SUPT3H: variants seen among roughly 807,000 people sequenced by gnomAD.
The protein encoded by SUPT3H is transcription initiation protein SPT3 homolog.
In SUPT3H, 44 loss-of-function variants were observed where a neutral mutation model predicts 44.3. The observed-to-expected ratio is 0.99, with a 90% CI of 0.78 to 1.28. SUPT3H has a LOEUF of 1.28. Among genes scored for constraint, SUPT3H ranks in the 50% most tolerant of loss-of-function variants. The pLI, the probability that SUPT3H is intolerant of heterozygous loss-of-function variation, is 0.00. For synonymous variants in SUPT3H, 124 were observed against 125.6 expected (o/e 0.99, Z 0.09); for missense variants, 380 against 387.1 (o/e 0.98, Z 0.15).
chr6:45,271,673 A>G (rs1776186349), intron 2 of SUPT3H, among the ~76,000 whole-genome samples: 1 of 151,828 alleles, frequency 6.6e-6, no homozygotes, highest in Non-Finnish European at 1.5e-5. Flanking sequence ...GCCTCCACAC[A>G]GAGTACCTAC....
At chr6:44,946,101 C>T (rs908299560) in intron 9 of SUPT3H, among the ~76,000 whole-genome samples, 1 of 152,160 alleles carries the variant, frequency 6.6e-6, no homozygotes, top group Non-Finnish European at 1.5e-5. Flanking sequence ...TAGATGACAG[C>T]ATATCCATTT....
intron 5 of SUPT3H, 38 bp from the exon 6 acceptor site, chr6:45,003,830 T>C: frequency 1.2e-6 from 2 of 1,610,158 alleles, no homozygotes; most frequent in Non-Finnish European, 1.7e-6. Context: ...AGAAATGTTC[T>C]CAATAGGTTT....
chr6:45,186,141 T>C (rs139332796), intron 2 of SUPT3H, among the ~76,000 whole-genome samples: 2,686 of 152,266 alleles, frequency 0.018, 52 homozygotes, highest in South Asian at 0.088. Flanking sequence ...TGTCCCACTT[T>C]GCTGTAGTGG....
At chr6:44,963,856 G>A (rs965412656) in intron 6 of SUPT3H, among the ~76,000 whole-genome samples, 1 of 151,660 alleles carries the variant, frequency 6.6e-6, no homozygotes, top group Non-Finnish European at 1.5e-5. Flanking sequence ...AATATTAGCC[G>A]GGTGTGGTTG....
chr6:45,336,706 T>C (rs945248919), intron 2 of SUPT3H, among the ~76,000 whole-genome samples: 1 of 151,442 alleles, frequency 6.6e-6, no homozygotes, highest in Admixed American at 6.6e-5. Context: ...CACAGTATTT[T>C]TAATAAAGTA....
downstream of SUPT3H, among the ~76,000 whole-genome samples, chr6:44,825,053 C>T (rs545041191): frequency 6.6e-6 from 1 of 152,272 alleles, no homozygotes; most frequent in African/African-American, 2.4e-5. Flanking sequence ...GGATACATAC[C>T]TTGTATGAAA....
chr6:45,313,835 A>G (rs984522627), intron 2 of SUPT3H, among the ~76,000 whole-genome samples: 8 of 152,082 alleles, frequency 5.3e-5, no homozygotes, highest in Non-Finnish European at 8.8e-5. Flanking sequence ...GAAGGACATA[A>G]CCAAAAAAGA....
chr6:45,094,668 AAT>A (rs1368750014), intron 3 of SUPT3H, among the ~76,000 whole-genome samples: 2 of 152,216 alleles, frequency 1.3e-5, no homozygotes, highest in East Asian at 3.9e-4. Flanking sequence ...AGTATCAGTC[AAT>A]AGTTACTTAT....
downstream of SUPT3H, among the ~76,000 whole-genome samples, chr6:44,821,963 T>A (rs1410943066): frequency 6.6e-6 from 1 of 152,102 alleles, no homozygotes; most frequent in African/African-American, 2.4e-5. Context: ...TATTGTTTTT[T>A]AAAAAAAGGT....
chr6:45,298,402 C>T (rs1781620928), intron 2 of SUPT3H, among the ~76,000 whole-genome samples: 1 of 152,076 alleles, frequency 6.6e-6, no homozygotes, highest in Admixed American at 6.5e-5. Context: ...CAGTTAATTC[C>T]TAGATATCTG....
intron 2 of SUPT3H, among the ~76,000 whole-genome samples, chr6:45,242,667 G>T (rs1770584398): frequency 6.6e-6 from 1 of 152,090 alleles, no homozygotes; most frequent in African/African-American, 2.4e-5. Flanking sequence ...AAGATCAAGT[G>T]TATCTATAAC....
At chr6:44,923,310 C>T (rs1399341565) in intron 10 of SUPT3H, among the ~76,000 whole-genome samples, 1 of 152,062 alleles carries the variant, frequency 6.6e-6, no homozygotes, top group Non-Finnish European at 1.5e-5. Flanking sequence ...CTTTTCCAGA[C>T]TATGTTCCTG....
chr6:44,902,699 C>T (rs940342225), intron 10 of SUPT3H, among the ~76,000 whole-genome samples: 2 of 152,194 alleles, frequency 1.3e-5, no homozygotes, highest in Non-Finnish European at 2.9e-5. Context: ...ATCTACAGAA[C>T]TCCCCACTGC....
At chr6:45,146,504 C>T (rs1806096698) in intron 2 of SUPT3H, among the ~76,000 whole-genome samples, 1 of 151,998 alleles carries the variant, frequency 6.6e-6, no homozygotes, top group East Asian at 1.9e-4. Flanking sequence ...TGACGGTGCA[C>T]CAGAATCTCA....
chr6:45,090,050 A>T (rs1027027053), intron 3 of SUPT3H, among the ~76,000 whole-genome samples: 3 of 152,100 alleles, frequency 2.0e-5, no homozygotes, highest in African/African-American at 7.2e-5. Context: ...ATCAGAGGTG[A>T]TATAATATCA....
chr6:45,213,928 A>C (rs1764552996), intron 2 of SUPT3H, among the ~76,000 whole-genome samples: 1 of 145,714 alleles, frequency 6.9e-6, no homozygotes, highest in African/African-American at 2.5e-5. Context: ...AATACATTAA[A>C]ATTTACATAA....
At chr6:44,843,941 AC>A (rs1771442036) in intron 10 of SUPT3H, among the ~76,000 whole-genome samples, 2 of 151,448 alleles carry the variant, frequency 1.3e-5, no homozygotes, top group Non-Finnish European at 2.9e-5. Context: ...ACACACACAC[AC>A]ACACACACAC....
intron 2 of SUPT3H, among the ~76,000 whole-genome samples, chr6:45,240,032 G>A (rs927604084): frequency 2.6e-5 from 4 of 152,180 alleles, no homozygotes; most frequent in Admixed American, 6.5e-5. Context: ...GGAGAGATCC[G>A]ATAACAAAAA....
chr6:45,032,400 C>A (rs956018761), intron 3 of SUPT3H, among the ~76,000 whole-genome samples: 1 of 152,042 alleles, frequency 6.6e-6, no homozygotes, highest in Non-Finnish European at 1.5e-5. Flanking sequence ...GTAGTAAAGA[C>A]AAATAGAGAA....
Sources: allele counts gnomAD v4.1 joint callset (sites outside exome capture counted in the v4.1 genomes callset), GRCh38; gene constraint gnomAD v4.1.1; transcripts MANE v1.5; gene names NCBI Gene and HGNC (gene_info 2026-07-23, HGNC 2026-07-21).